The following FAM107B variants were observed in gnomAD, a reference collection of about 807,000 sequenced individuals.
FAM107B encodes the protein protein FAM107B.
In FAM107B, 21 loss-of-function variants were observed where a neutral mutation model predicts 31.5. That is an observed-to-expected ratio of 0.67 (90% CI 0.47 to 0.96). FAM107B has a LOEUF of 0.96. Among genes scored for constraint, FAM107B ranks in the 40% least tolerant of loss-of-function variants. The pLI, the probability that FAM107B is intolerant of heterozygous loss-of-function variation, is 0.00. For synonymous variants in FAM107B, 157 were observed against 141.5 expected (o/e 1.11, Z -0.78); for missense variants, 452 against 377.1 (o/e 1.20, Z -1.64).
intron 1 of FAM107B, among the ~76,000 whole-genome samples, chr10:14,741,733 T>A (rs1262171066): frequency 1.7e-4 from 25 of 144,832 alleles, no homozygotes; most frequent in African/African-American, 5.9e-4. Context: ...TTTTTTTTTT[T>A]TTTTTGAGAT....
intron 1 of FAM107B, among the ~76,000 whole-genome samples, chr10:14,735,294 T>A (rs1286218632): frequency 6.6e-6 from 1 of 152,076 alleles, no homozygotes; most frequent in Non-Finnish European, 1.5e-5. Flanking sequence ...TTTTGCAATT[T>A]TTTTTTTTAG....
intron 1 of FAM107B, among the ~76,000 whole-genome samples, chr10:14,752,090 C>T (rs1342195080): frequency 6.6e-6 from 1 of 152,166 alleles, no homozygotes; most frequent in Non-Finnish European, 1.5e-5. Flanking sequence ...TGATGTCACT[C>T]CCAGCCTGTT....
At chr10:14,755,111 C>A (rs180872700) in intron 1 of FAM107B, among the ~76,000 whole-genome samples, 1 of 152,104 alleles carries the variant, frequency 6.6e-6, no homozygotes, top group African/African-American at 2.4e-5. Flanking sequence ...TAAAAACCAA[C>A]CAGTTGAGCC....
intron 1 of FAM107B, among the ~76,000 whole-genome samples, chr10:14,759,022 T>C (rs1832985898): frequency 1.3e-5 from 2 of 149,346 alleles, no homozygotes; most frequent in South Asian, 2.1e-4. Flanking sequence ...CTACTAAAAA[T>C]ACAAAATTAG....
Position 14,684,506 on chromosome 10 carries a change from G to A in FAM107B, c.412-16815C>T, listed in dbSNP as rs114562619. 9.9e-3 allele frequency among the ~76,000 whole-genome samples: 1,505 copies of A among 152,076 alleles called. 35 individuals carry two copies. The highest frequency in any genetic ancestry group is 0.033 in the African/African-American group (1,386 of 41,482). On this transcript the variant is annotated intron_variant, in intron 1 of 4. Coordinates refer to ENST00000181796, the MANE Select transcript of FAM107B (RefSeq NM_031453.4). Reference sequence around the variant, plus strand: ...ATGGCAACAATTCCATTCATGAAGCGTCCAGCCTCATGACCTAATCACTTC... The same window carrying A: ...ATGGCAACAATTCCATTCATGAAGCATCCAGCCTCATGACCTAATCACTTC...
At chr10:14,550,363 C>T (rs534524747) in intron 2 of FAM107B, among the ~76,000 whole-genome samples, 157 of 152,342 alleles carry the variant, frequency 1.0e-3, no homozygotes, top group African/African-American at 3.5e-3. Flanking sequence ...CTCTAGTCCT[C>T]GGCTGTCAGG....
intron 2 of FAM107B, among the ~76,000 whole-genome samples, chr10:14,631,514 C>G (rs1444425041): frequency 2.0e-5 from 3 of 152,132 alleles, no homozygotes; most frequent in African/African-American, 7.2e-5. Flanking sequence ...TTCCTTAAGA[C>G]CAGATCAGAA....
chr10:14,761,782 GA>G (rs373548198), intron 1 of FAM107B, among the ~76,000 whole-genome samples: 47 of 150,884 alleles, frequency 3.1e-4, no homozygotes, highest in Admixed American at 1.3e-3. Context: ...ATTTTTAGTA[GA>G]GGGGGGGGTT....
In FAM107B at chr10:14,671,647, T is replaced by A. The variant is rs143407593; in HGVS notation, c.412-3956A>T. ...GGGAAAATGACTCCTGTTCTTATTA[T>A]CCACTGGCCCTGAAACCAGAGACAG... On this transcript the variant is annotated intron_variant, in intron 1 of 4. Transcript: ENST00000181796. Among the ~76,000 whole-genome samples the A allele has an allele frequency of 1.9e-3, 292 of 152,198 alleles. 4 individuals carry two copies. Among genetic ancestry groups the A allele is most frequent in the African/African-American group, 6.9e-3 (287 of 41,522 alleles).
At chr10:14,645,764 C>T (rs1853736636) in intron 2 of FAM107B, among the ~76,000 whole-genome samples, 1 of 152,192 alleles carries the variant, frequency 6.6e-6, no homozygotes, top group South Asian at 2.1e-4. Context: ...CTATTCCCAG[C>T]TCCCAGATAA....
rs191817757 is a variant in FAM107B at position 14,693,409 on chromosome 10, C to T, written c.412-25718G>A. 1.0e-4 allele frequency among the ~76,000 whole-genome samples: 15 copies of T among 150,074 alleles called. No individual in the cohort carries two copies. In the East Asian group the frequency reaches 2.7e-3, roughly 27 times the overall value. ...AGGAGAATTCCTTGAACCCAGGAGA[C>T]GGAGGTTGCAGTGAGCTGACATGGT... On this transcript the variant is annotated intron_variant, in intron 1 of 4. Transcript: ENST00000181796.
intron 2 of FAM107B, among the ~76,000 whole-genome samples, chr10:14,565,720 C>G (rs1850607247): frequency 6.6e-6 from 1 of 151,940 alleles, no homozygotes; most frequent in Admixed American, 6.6e-5. Flanking sequence ...AGCAGGGTGG[C>G]AAAAGTGTCC....
intron 2 of FAM107B, among the ~76,000 whole-genome samples, chr10:14,614,922 T>C (rs2131395167): frequency 6.6e-6 from 1 of 152,000 alleles, no homozygotes; most frequent in Admixed American, 6.5e-5. Flanking sequence ...CAAGACATAA[T>C]GGGAAAAGAG....
At chr10:14,540,805 C>T (rs1255679210) in intron 2 of FAM107B, among the ~76,000 whole-genome samples, 1 of 152,160 alleles carries the variant, frequency 6.6e-6, no homozygotes, top group Non-Finnish European at 1.5e-5. Context: ...TCAAGTTGAG[C>T]TCCCCTTTAC....
chr10:14,683,137 A>G (rs2131497531), intron 1 of FAM107B, among the ~76,000 whole-genome samples: 1 of 152,320 alleles, frequency 6.6e-6, no homozygotes, highest in African/African-American at 2.4e-5. Context: ...CCTGGCTCGG[A>G]GCACCTGTGC....
At chr10:14,541,510 C>T (rs1403635272) in intron 2 of FAM107B, among the ~76,000 whole-genome samples, 1 of 152,186 alleles carries the variant, frequency 6.6e-6, no homozygotes, top group Non-Finnish European at 1.5e-5. Flanking sequence ...CAGTAAAACT[C>T]CAGGCACCTT....
At chr10:14,570,388 A>C (rs1420721953) in intron 2 of FAM107B, among the ~76,000 whole-genome samples, 1 of 152,160 alleles carries the variant, frequency 6.6e-6, no homozygotes, top group African/African-American at 2.4e-5. Context: ...TGTGAGAATG[A>C]CTGCCCAAGA....
At chr10:14,633,771 A>G (rs1394095602) in intron 2 of FAM107B, among the ~76,000 whole-genome samples, 13 of 152,300 alleles carry the variant, frequency 8.5e-5, no homozygotes. Flanking sequence ...TTTTTTTCAT[A>G]AGGCAGCTAG....
chr10:14,694,457 C>T (rs1227438066), intron 1 of FAM107B, among the ~76,000 whole-genome samples: 2 of 152,150 alleles, frequency 1.3e-5, no homozygotes, highest in Non-Finnish European at 2.9e-5. Context: ...GATCTTGGCT[C>T]ACTGCAACCT....
Sources: allele counts gnomAD v4.1 joint callset (sites outside exome capture counted in the v4.1 genomes callset), GRCh38; gene constraint gnomAD v4.1.1; transcripts MANE v1.5; gene names NCBI Gene and HGNC (gene_info 2026-07-23, HGNC 2026-07-21).